SENP1: variants seen among roughly 807,000 people sequenced by gnomAD.
SENP1 encodes the protein sentrin-specific protease 1.
SENP1 carries 21 observed loss-of-function variants against 93.0 expected under a neutral mutation model. The observed-to-expected ratio is 0.23, with a 90% CI of 0.16 to 0.33. The LOEUF (loss-of-function observed/expected upper bound fraction) is 0.33, where lower values mean the gene tolerates loss of function less well. SENP1 is among the 10% of genes least tolerant of loss of function. The pLI is 1.00. For missense variants in SENP1, 591 were observed against 758.7 expected, an observed-to-expected ratio of 0.78 and a Z score of 2.60; for synonymous variants, 256 against 259.6, an observed-to-expected ratio of 0.99 and a Z score of 0.13.
At chr12:48,061,806 C>T (rs1006977394) in intron 13 of SENP1, among the ~76,000 whole-genome samples, 6 of 152,130 alleles carry the variant, frequency 3.9e-5, no homozygotes, top group South Asian at 2.1e-4. Flanking sequence ...TGAAAGCCTA[C>T]GAAGTATGGT....
intron 6 of SENP1, 51 bp downstream of exon 6, chr12:48,083,540 T>G: frequency 6.7e-7 from 1 of 1,482,498 alleles, no homozygotes; most frequent in Non-Finnish European, 9.4e-7. Flanking sequence ...AATGGCTCAA[T>G]GTAGGGAAAG....
chr12:48,093,286 T>TAAA, intron 4 of SENP1, among the ~76,000 whole-genome samples: 1 of 105,034 alleles, frequency 9.5e-6, no homozygotes, highest in Non-Finnish European at 2.4e-5. Context: ...TGAGGTTTTT[T>TAAA]TTTTTTTTTT....
chr12:48,095,535 C>CCAA (rs760623202), intron 4 of SENP1, among the ~76,000 whole-genome samples: 1 of 85,882 alleles, frequency 1.2e-5, no homozygotes, highest in African/African-American at 4.9e-5. Context: ...GACTCTGTGT[C>CCAA]AAAAAAAAAA....
chr12:48,073,630 G>A (rs1287861497), intron 8 of SENP1, among the ~76,000 whole-genome samples: 1 of 152,208 alleles, frequency 6.6e-6, no homozygotes, highest in Non-Finnish European at 1.5e-5. Flanking sequence ...TAACTGGAAT[G>A]CAAAGAGAGT....
In SENP1 at chr12:48,096,513, C is replaced by T. The variant is rs940125480; in HGVS notation, c.136-86G>A. 23 of 766,710 alleles carry T rather than the reference C, an allele frequency of 3.0e-5. No homozygotes were observed. The East Asian group carries it at 3.3e-4, about 11-fold the overall frequency. 47.5% of individuals were successfully genotyped at this position (766,710 alleles called of 1,614,324 possible). On this transcript the variant is annotated intron_variant, in intron 3 of 17. Coordinates refer to ENST00000549518, the MANE Select transcript of SENP1 (RefSeq NM_001267594.2). ...TCTTGTTGCCCAGGCTGGAGTACAC[C>T]GGCACAATCTCTGCTCACTGCAACC...
At chr12:48,089,480 G>A (rs1282448422) in intron 4 of SENP1, among the ~76,000 whole-genome samples, 2 of 152,152 alleles carry the variant, frequency 1.3e-5, no homozygotes, top group African/African-American at 2.4e-5. Flanking sequence ...ATTCTGGTTG[G>A]CTTATGGCAA....
chr12:48,055,264 T>C (rs77590573), intron 13 of SENP1: 9,820 of 162,884 alleles, frequency 0.06, 405 homozygotes, highest in Non-Finnish European at 0.094. Context: ...CATCTTATTA[T>C]CTTTACGGAT....
At chr12:48,057,941 CTTTTTT>C (rs370210767) in intron 13 of SENP1, among the ~76,000 whole-genome samples, 1,955 of 85,694 alleles carry the variant, frequency 0.023, 40 homozygotes, top group Middle Eastern at 0.071. Flanking sequence ...TTTATTTCCT[CTTTTTT>C]TTTTTTTTTT....
intron 9 of SENP1, among the ~76,000 whole-genome samples, chr12:48,071,336 C>T (rs1943677288): frequency 6.6e-6 from 1 of 152,118 alleles, no homozygotes; most frequent in African/African-American, 2.4e-5. Context: ...AACTTTTAGG[C>T]CAGGCATGGT....
At chr12:48,082,195 C>A (rs1247366579) in intron 6 of SENP1, among the ~76,000 whole-genome samples, 1 of 152,102 alleles carries the variant, frequency 6.6e-6, no homozygotes, top group African/African-American at 2.4e-5. Flanking sequence ...GGCCTCAATA[C>A]AAACTTTAAA....
chr12:48,105,504 T>A, intron 1 of SENP1: 2 of 519,090 alleles, frequency 3.9e-6, no homozygotes, highest in Admixed American at 1.9e-5. Context: ...GCACTAGCGA[T>A]ATCACATCTC....
At chr12:48,083,528 C>CA in intron 6 of SENP1, 63 bp downstream of exon 6, 1 of 1,315,446 alleles carries the variant, frequency 7.6e-7, no homozygotes, top group Non-Finnish European at 1.1e-6. Context: ...TAATAGGGAG[C>CA]AAATGGCTCA....
intron 13 of SENP1, among the ~76,000 whole-genome samples, chr12:48,054,648 G>C (rs1190061420): frequency 1.3e-5 from 2 of 152,050 alleles, no homozygotes; most frequent in East Asian, 1.9e-4. Flanking sequence ...AAATTAGCTG[G>C]GTGTGGTGGC....
chr12:48,057,876 C>T (rs935217402), intron 13 of SENP1, among the ~76,000 whole-genome samples: 2 of 149,276 alleles, frequency 1.3e-5, no homozygotes, highest in East Asian at 2.0e-4. Flanking sequence ...GGATTATAGA[C>T]GTGAGCCACT....
intron 13 of SENP1, among the ~76,000 whole-genome samples, chr12:48,061,840 G>A (rs1942981351): frequency 6.6e-6 from 1 of 152,138 alleles, no homozygotes; most frequent in Non-Finnish European, 1.5e-5. Context: ...TGCTTTTTAA[G>A]ATAGCTCCCA....
intron 6 of SENP1, among the ~76,000 whole-genome samples, chr12:48,079,157 TA>T (rs934227806): frequency 3.4e-5 from 5 of 147,002 alleles, no homozygotes; most frequent in African/African-American, 7.5e-5. Context: ...TTCATAAAAT[TA>T]AAAAAAAAAT....
chr12:48,099,964 G>A (rs1233918052), intron 2 of SENP1, among the ~76,000 whole-genome samples: 1 of 152,108 alleles, frequency 6.6e-6, no homozygotes. Flanking sequence ...AGCTAGAATA[G>A]AAGCAATAAA....
At chr12:48,103,008 C>T (rs1004125201) in intron 1 of SENP1, among the ~76,000 whole-genome samples, 2 of 152,084 alleles carry the variant, frequency 1.3e-5, no homozygotes, top group Non-Finnish European at 2.9e-5. Context: ...CTTCTTTCTT[C>T]TTTAATAGAG....
intron 4 of SENP1, among the ~76,000 whole-genome samples, chr12:48,094,098 G>A (rs1186334145): frequency 6.6e-6 from 1 of 152,178 alleles, no homozygotes; most frequent in African/African-American, 2.4e-5. Context: ...AATGAGATGG[G>A]GTGCAGTGGC....
Sources: gnomAD v4.1 joint callset for allele counts (sites outside exome capture counted in the v4.1 genomes callset) on GRCh38, gnomAD v4.1.1 for gene constraint, MANE v1.5 for transcripts, NCBI Gene and HGNC (gene_info 2026-07-23, HGNC 2026-07-21) for gene names.